PCNT: variants seen among roughly 807,000 people sequenced by gnomAD.
The protein encoded by PCNT is pericentrin.
PCNT carries 319 observed loss-of-function variants against 380.4 expected under a neutral mutation model. The ratio of observed to expected loss-of-function variants is 0.84; its 90% CI spans 0.77 to 0.92. The LOEUF (loss-of-function observed/expected upper bound fraction) is 0.92, where lower values mean the gene tolerates loss of function less well. Ranked by LOEUF, PCNT falls within the 40% of genes least tolerant of loss-of-function variation. The probability of loss-of-function intolerance (pLI) is 0.00; values close to 1 mark genes in which losing one functional copy is unlikely to be tolerated. For missense variants in PCNT, 4,400 were observed against 4,255.3 expected (o/e 1.03, Z -0.95); for synonymous variants, 1,845 against 1,735.2 (o/e 1.06, Z -1.57).
chr21:46,411,885 C>T lies in PCNT; in HGVS notation c.5812C>T (p.Gln1938Ter), dbSNP rs1458254313. 2 of 1,574,928 alleles carry T rather than the reference C, an allele frequency of 1.3e-6. No individual in the cohort carries two copies. The highest frequency in any genetic ancestry group is 1.3e-5 in the African/African-American group (1 of 74,512). ...RLSRQLQVLH[Q>*]RFLRCQVELD... ...CAGCCGCCAGCTGCAGGTGCTGCAC[C>T]AGCGGTTCCTGAGGTGCCAGGTGGA... Residue 1938 changes from glutamine to a stop codon, truncating the protein, a stop_gained, in exon 28 of 47, where the codon CAG becomes TAG. Coordinates refer to ENST00000359568, the MANE Select transcript of PCNT (RefSeq NM_006031.6). LOFTEE classifies it high-confidence loss of function.
chr21:46,349,855 T>C lies in PCNT; in HGVS notation c.1344+35T>C, dbSNP rs771034972. 1.0e-5 allele frequency: 16 copies of C among 1,604,586 alleles called. No homozygotes were observed. The African/African-American group carries it at 2.1e-4, about 21-fold the overall frequency. On this transcript the variant is annotated intron_variant, in intron 8 of 46. Transcript: ENST00000359568. ...AGCTTCGTTATTTAATTACTTGGTA[T>C]ATTAGGGAAGTTTTAACAGATTTTG...
intron 15 of PCNT, among the ~76,000 whole-genome samples, chr21:46,371,506 T>C (rs2065436423): frequency 6.6e-6 from 1 of 152,168 alleles, no homozygotes; most frequent in Non-Finnish European, 1.5e-5. Flanking sequence ...TTACTTACTT[T>C]TTCAGTTTTT....
chr21:46,387,802 T>TGTGTAGTCACTGGGTCC (rs1335384380), intron 17 of PCNT, among the ~76,000 whole-genome samples: 10 of 152,258 alleles, frequency 6.6e-5, no homozygotes, highest in Admixed American at 3.3e-4. Context: ...GAGGGCTGGC[T>TGTGTAGTCACTGGGTCC]GTGTAGTCAC....
intron 40 of PCNT, 36 bp from the exon 41 acceptor site, chr21:46,438,128 A>C: frequency 1.3e-6 from 2 of 1,575,332 alleles, no homozygotes; most frequent in Non-Finnish European, 1.7e-6. Flanking sequence ...GCCCTTTAAC[A>C]ACAAATTCTT....
At chr21:46,358,182 C>T (rs543456402) in intron 13 of PCNT, among the ~76,000 whole-genome samples, 3 of 152,362 alleles carry the variant, frequency 2.0e-5, no homozygotes, top group African/African-American at 7.2e-5. Flanking sequence ...ACCGACGGGG[C>T]AGCTCAGGGT....
At chr21:46,415,076 G>A (rs1035993755) in intron 29 of PCNT, among the ~76,000 whole-genome samples, 1 of 152,254 alleles carries the variant, frequency 6.6e-6, no homozygotes, top group Non-Finnish European at 1.5e-5. Context: ...GCCCCTCGCA[G>A]CCCTCGTGAG....
rs771234082 is a variant in PCNT, at chr21:46,385,883, G to A, written c.3364G>A (p.Glu1122Lys). Reference protein sequence around the residue: ...LSHEIEECRSELEVLQQRRER... With the variant: ...LSHEIEECRSKLEVLQQRRER... ...TCACGAGATAGAAGAGTGCCGCTCCGAGTTGGAGGTGCTGCAGCAGAGGCG... is the reference window on the plus strand; with the variant it reads ...TCACGAGATAGAAGAGTGCCGCTCCAAGTTGGAGGTGCTGCAGCAGAGGCG... Residue 1122 changes from glutamate to lysine, a missense_variant, in exon 17 of 47, where the codon GAG (glutamate) becomes AAG (lysine). Coordinates refer to ENST00000359568, the MANE Select transcript of PCNT (RefSeq NM_006031.6). 6.8e-6 allele frequency: 11 copies of A among 1,614,082 alleles called. No homozygotes were observed. Among genetic ancestry groups the A allele is most frequent in the Admixed American group, 3.3e-5 (2 of 60,002 alleles).
chr21:46,324,727 G>T (rs2083306906), intron 1 of PCNT: 1 of 259,060 alleles, frequency 3.9e-6, no homozygotes, highest in South Asian at 1.4e-4. Context: ...CCGGGACCGG[G>T]TGGCCTGGGG....
At chr21:46,354,743 A>G (rs866355071) in intron 11 of PCNT, among the ~76,000 whole-genome samples, 15 of 152,328 alleles carry the variant, frequency 9.8e-5, no homozygotes, top group Non-Finnish European at 1.5e-4. Context: ...ACTCTGGAGC[A>G]GGGTCCCTGG....
At chr21:46,364,221 G>C (rs1601846264) in intron 14 of PCNT, among the ~76,000 whole-genome samples, 1 of 150,394 alleles carries the variant, frequency 6.6e-6, no homozygotes, top group Non-Finnish European at 1.5e-5. Context: ...GAGCCCCCTG[G>C]CCGCAGTGGG....
At chr21:46,385,587 C>T (rs765503247) in intron 16 of PCNT, among the ~76,000 whole-genome samples, 11 of 152,184 alleles carry the variant, frequency 7.2e-5, no homozygotes, top group African/African-American at 2.7e-4. Flanking sequence ...TCACCTTTGC[C>T]GTATTTTTAT....
intron 15 of PCNT, among the ~76,000 whole-genome samples, chr21:46,378,560 C>T (rs1012527883): frequency 6.6e-6 from 1 of 152,020 alleles, no homozygotes; most frequent in Non-Finnish European, 1.5e-5. Flanking sequence ...GCCTGGCCTG[C>T]GAGATTTCCT....
At chr21:46,329,119 A>C (rs1323489834) in intron 2 of PCNT, among the ~76,000 whole-genome samples, 1 of 152,226 alleles carries the variant, frequency 6.6e-6, no homozygotes, top group East Asian at 1.9e-4. Flanking sequence ...ATATGTGGGA[A>C]TCTCAGGATC....
chr21:46,418,235 C>T lies in PCNT; in HGVS notation c.6953C>T (p.Ser2318Phe), dbSNP rs143541917. ...GATGTCGAAGATTTTATCACAACAT[C>T]CTTTGATTCTCAAGAAACATTAAGT... ...EKDVEDFITT[S>F]FDSQETLSSP... The change falls in exon 31 of 47, where the codon TCC (serine) becomes TTC (phenylalanine). Residue 2318 changes from serine to phenylalanine, a missense_variant. Transcript: ENST00000359568. 11 of 1,608,412 alleles carry T rather than the reference C, an allele frequency of 6.8e-6. No homozygotes were observed. Among genetic ancestry groups the T allele is most frequent in the African/African-American group, 5.4e-5 (4 of 74,696 alleles).
intron 4 of PCNT, 66 bp downstream of exon 4, chr21:46,346,274 CA>C: frequency 3.9e-6 from 3 of 775,784 alleles, no homozygotes; most frequent in Non-Finnish European, 4.6e-6. Context: ...GCACAGTGGG[CA>C]TCCGGGTGGG....
chr21:46,351,064 C>G (rs1279396366), intron 8 of PCNT, among the ~76,000 whole-genome samples: 1 of 152,144 alleles, frequency 6.6e-6, no homozygotes, highest in Non-Finnish European at 1.5e-5. Flanking sequence ...AGTAAGACTC[C>G]CTAAATTCCA....
chr21:46,339,787 A>G lies in PCNT; in HGVS notation c.639+5019A>G, dbSNP rs117482573. ...CAGGGACAATACTTTGTATCCTTCAATCCAATCAAGTTGACAATGTTAACT... is the reference window on the plus strand; with the variant it reads ...CAGGGACAATACTTTGTATCCTTCAGTCCAATCAAGTTGACAATGTTAACT... On this transcript the variant is annotated intron_variant, in intron 3 of 46. Coordinates refer to ENST00000359568, the MANE Select transcript of PCNT (RefSeq NM_006031.6). Among the ~76,000 whole-genome samples the G allele has an allele frequency of 7.3e-3, 1,113 of 152,282 alleles. 5 individuals are homozygous for G. The highest frequency in any genetic ancestry group is 0.013 in the Non-Finnish European group (881 of 68,022).
At position 46,391,345 on chromosome 21, in the gene PCNT, C is replaced by A. The variant is rs1473991247; in HGVS notation, c.4185C>A (p.Ala1395=). ...CCCGTCTGTGGAGTCGGGGGGAGGC[C>A]ACAGCCACGGACGCCGAGGCCAGAG... ...ECTRLWSRGE[A]TATDAEAREA... The change falls in exon 21 of 47, where the codon GCC becomes GCA. Residue 1395 remains alanine, a synonymous_variant. Coordinates refer to ENST00000359568, the MANE Select transcript of PCNT (RefSeq NM_006031.6). 3 of 1,554,740 alleles carry A rather than the reference C, an allele frequency of 1.9e-6. No homozygotes were observed. Among genetic ancestry groups the A allele is most frequent in the Non-Finnish European group, 2.6e-6 (3 of 1,149,130 alleles).
Position 46,346,184 on chromosome 21 carries a change from T to C in PCNT, c.696T>C (p.Asp232=). Residue 232 remains aspartate (D), a synonymous_variant, in exon 4 of 47, where the codon GAT becomes GAC. Coordinates refer to ENST00000359568, the MANE Select transcript of PCNT (RefSeq NM_006031.6). ...AITDLESGRE[D]EAGLHQSQAV... ...CTGACCTGGAGAGCGGCCGTGAAGA[T>C]GAGGCTGGCCTGCATCAGAGTCAGG... is the stretch of plus-strand genomic sequence containing the variant. 6.2e-7 allele frequency: 1 copy of C among 1,612,910 alleles called. No individual in the cohort carries two copies. The highest frequency in any genetic ancestry group is 8.5e-7 in the Non-Finnish European group (1 of 1,179,654).
Sources: gnomAD v4.1 joint callset for allele counts (sites outside exome capture counted in the v4.1 genomes callset) on GRCh38, gnomAD v4.1.1 for gene constraint, MANE v1.5 for transcripts, NCBI Gene and HGNC (gene_info 2026-07-23, HGNC 2026-07-21) for gene names.